VAV3: variants seen among roughly 807,000 people sequenced by gnomAD.
VAV3 encodes the protein guanine nucleotide exchange factor VAV3.
In VAV3, 94 loss-of-function variants were observed where a neutral mutation model predicts 131.2. The ratio of observed to expected loss-of-function variants is 0.72; its 90% confidence interval spans 0.61 to 0.85. The LOEUF is 0.85. Ranked by LOEUF, VAV3 falls within the 40% of genes least tolerant of loss-of-function variation. The pLI is 0.00. For synonymous variants in VAV3, 349 were observed against 342.0 expected, an observed-to-expected ratio of 1.02 and a Z score of -0.22; for missense variants, 939 against 1,002.7, an observed-to-expected ratio of 0.94 and a Z score of 0.86.
chr1:107,753,515 T>TATATATACACAC (rs1296308635), intron 12 of VAV3, among the ~76,000 whole-genome samples: 6,340 of 39,170 alleles, frequency 0.16, 430 homozygotes, highest in Middle Eastern at 0.24. Context: ...TATACACACA[T>TATATATACACAC]ATATATATAT....
intron 25 of VAV3, among the ~76,000 whole-genome samples, chr1:107,583,355 A>G (rs1395337839): frequency 6.6e-6 from 1 of 152,224 alleles, no homozygotes; most frequent in African/African-American, 2.4e-5. Flanking sequence ...GCACAAGACA[A>G]GGATGCCCTC....
intron 1 of VAV3, among the ~76,000 whole-genome samples, chr1:107,880,486 G>T (rs1411277502): frequency 3.3e-5 from 5 of 152,126 alleles, no homozygotes; most frequent in Admixed American, 1.3e-4. Context: ...AAGTGATGAG[G>T]TTAAAAGGTC....
chr1:107,897,500 A>AGGAAAAGGAGGAAGTGAGGC (rs1553227668), intron 1 of VAV3, among the ~76,000 whole-genome samples: 11 of 151,978 alleles, frequency 7.2e-5, no homozygotes, highest in Middle Eastern at 6.8e-3. Flanking sequence ...CCACGAGGGA[A>AGGAAAAGGAGGAAGTGAGGC]GGAAAAGGAG....
intron 2 of VAV3, among the ~76,000 whole-genome samples, chr1:107,789,761 ATATAT>A (rs1666194428): frequency 6.6e-6 from 1 of 152,232 alleles, no homozygotes; most frequent in Non-Finnish European, 1.5e-5. Context: ...AATTTTAATC[ATATAT>A]TTTATTTAAT....
chr1:107,705,513 T>C (rs983500386), intron 15 of VAV3, among the ~76,000 whole-genome samples: 1 of 152,142 alleles, frequency 6.6e-6, no homozygotes, highest in African/African-American at 2.4e-5. Flanking sequence ...TAACAAGGAA[T>C]ACAGTAATTT....
chr1:107,690,173 G>C (rs1486782384), intron 17 of VAV3, among the ~76,000 whole-genome samples: 3 of 152,126 alleles, frequency 2.0e-5, no homozygotes, highest in African/African-American at 7.2e-5. Context: ...TCTTCCCATA[G>C]AAGTGTTTTT....
At chr1:107,853,232 A>T (rs1571045517) in intron 2 of VAV3, among the ~76,000 whole-genome samples, 1 of 152,062 alleles carries the variant, frequency 6.6e-6, no homozygotes, top group Non-Finnish European at 1.5e-5. Flanking sequence ...CTTCTCTACC[A>T]CTTATTAGTC....
chr1:107,773,035 G>A (rs533548521), intron 4 of VAV3, among the ~76,000 whole-genome samples, 192 bp from the exon 5 acceptor site: 43 of 152,268 alleles, frequency 2.8e-4, no homozygotes, highest in African/African-American at 7.9e-4. Flanking sequence ...ATCCAATAAC[G>A]AGGGCAGTGG....
intron 17 of VAV3, among the ~76,000 whole-genome samples, chr1:107,689,823 A>G (rs888024703): frequency 6.6e-5 from 10 of 152,206 alleles, no homozygotes; most frequent in African/African-American, 2.2e-4. Context: ...GAGGTTCTAT[A>G]AAAGTGCCAT....
chr1:107,963,355 T>C, intron 1 of VAV3: 1 of 152,226 alleles, frequency 6.6e-6, no homozygotes, highest in East Asian at 1.9e-4. Context: ...TTGAGACAAC[T>C]CTGAAGGGGT....
At chr1:107,961,301 T>A (rs1313968296) in intron 1 of VAV3, among the ~76,000 whole-genome samples, 1 of 152,006 alleles carries the variant, frequency 6.6e-6, no homozygotes, top group African/African-American at 2.4e-5. Context: ...TTCATGAAGA[T>A]CTTCTTAACC....
At chr1:107,608,488 A>G (rs750787688) in intron 22 of VAV3, among the ~76,000 whole-genome samples, 3 of 152,220 alleles carry the variant, frequency 2.0e-5, no homozygotes, top group Non-Finnish European at 4.4e-5. Flanking sequence ...CTATAGTTTA[A>G]AATTCCACAG....
intron 2 of VAV3, among the ~76,000 whole-genome samples, chr1:107,811,272 T>C (rs1361905310): frequency 1.3e-5 from 2 of 152,302 alleles, no homozygotes; most frequent in East Asian, 1.9e-4. Context: ...AGGACTCCGA[T>C]GCTTTACACT....
At chr1:107,727,712 T>C (rs1661936984) in intron 15 of VAV3, among the ~76,000 whole-genome samples, 2 of 152,250 alleles carry the variant, frequency 1.3e-5, no homozygotes, top group Non-Finnish European at 2.9e-5. Context: ...ATTTAGCCTT[T>C]GTGGGCTTTG....
chr1:107,825,272 G>GC (rs965005704), intron 2 of VAV3, among the ~76,000 whole-genome samples: 2 of 152,108 alleles, frequency 1.3e-5, no homozygotes, highest in African/African-American at 4.8e-5. Context: ...TGACTGTGTA[G>GC]CAAGTATCAT....
At chr1:107,863,180 C>T (rs191802607) in intron 2 of VAV3, among the ~76,000 whole-genome samples, 25 of 152,268 alleles carry the variant, frequency 1.6e-4, no homozygotes, top group Admixed American at 8.5e-4. Flanking sequence ...CTTTTCCCCT[C>T]GCCAGGTTTC....
At chr1:107,926,207 G>A (rs569888722) in intron 1 of VAV3, among the ~76,000 whole-genome samples, 2 of 152,206 alleles carry the variant, frequency 1.3e-5, no homozygotes, top group South Asian at 2.1e-4. Context: ...ACTTGAACCC[G>A]GGAGTGGAGG....
At chr1:107,587,196 A>C (rs1650567963) in intron 25 of VAV3, among the ~76,000 whole-genome samples, 1 of 152,204 alleles carries the variant, frequency 6.6e-6, no homozygotes, top group South Asian at 2.1e-4. Flanking sequence ...TGTTGAATGC[A>C]CGAAGCAATG....
At position 107,753,474 on chromosome 1, in the gene VAV3, ATG is replaced by A. The variant is rs111952693; in HGVS notation, c.1173+1951_1173+1952del. 4.9e-3 allele frequency among the ~76,000 whole-genome samples: 679 copies of A among 137,576 alleles called. 13 individuals are homozygous for A. The highest frequency in any genetic ancestry group is 5.0e-3 in the Non-Finnish European group (318 of 63,554). 90.3% of individuals were successfully genotyped at this position (137,576 alleles called of 152,430 possible). ...ATAGCATTAATGTGTGTGTGTATGT[ATG>A]TGTGTGTGTATATATATACACACAT... On this transcript the variant is annotated intron_variant, in intron 12 of 26. Coordinates refer to ENST00000370056, the MANE Select transcript of VAV3 (RefSeq NM_006113.5).
Sources: allele counts gnomAD v4.1 joint callset (sites outside exome capture counted in the v4.1 genomes callset), GRCh38; gene constraint gnomAD v4.1.1; transcripts MANE v1.5; gene names NCBI Gene and HGNC (gene_info 2026-07-23, HGNC 2026-07-21).